STK39: variants seen among roughly 807,000 people sequenced by gnomAD.
STK39 encodes the protein STE20/SPS1-related proline-alanine-rich protein kinase.
Under a neutral mutation model 77.8 loss-of-function variants are expected in STK39, and 20 were observed. The observed-to-expected ratio is 0.26, with a 90% CI of 0.18 to 0.37. The LOEUF is 0.37. Among genes scored for constraint, STK39 ranks in the 10% least tolerant of loss-of-function variants. STK39 has a pLI of 1.00. For synonymous variants in STK39, 246 were observed against 234.1 expected (o/e 1.05, Z -0.47); for missense variants, 479 against 656.5 (o/e 0.73, Z 2.95).
rs909744422 is a variant in STK39 at position 168,012,608 on chromosome 2, A to G, written c.1498+26T>C. The G allele has an allele frequency of 5.0e-6, 8 of 1,599,380 alleles. No homozygotes were observed. The East Asian group carries it at 9.0e-5, about 18-fold the overall frequency. ...TTCCATTTTATATACCAACAAAATG[A>G]CAGTGCATACTAAAAAACAATTTAC... On this transcript the variant is annotated intron_variant, in intron 16 of 17. Coordinates refer to ENST00000355999, the MANE Select transcript of STK39 (RefSeq NM_013233.3).
At chr2:168,150,801 T>C (rs1028618554) in intron 5 of STK39, among the ~76,000 whole-genome samples, 5 of 152,088 alleles carry the variant, frequency 3.3e-5, no homozygotes, top group African/African-American at 1.2e-4. Context: ...ACTTTACTAT[T>C]AGTAATCAGT....
chr2:167,993,407 C>T (rs1306496239), intron 16 of STK39, among the ~76,000 whole-genome samples: 1 of 152,174 alleles, frequency 6.6e-6, no homozygotes, highest in East Asian at 1.9e-4. Flanking sequence ...ATGCAGTTGG[C>T]CAGGTGTGGT....
chr2:168,047,655 T>C (rs974002917), intron 14 of STK39, among the ~76,000 whole-genome samples: 5 of 152,214 alleles, frequency 3.3e-5, no homozygotes, highest in African/African-American at 1.2e-4. Flanking sequence ...AAGTAGCCAC[T>C]GCAGCATGCT....
At chr2:168,201,991 C>G (rs1689622323) in intron 1 of STK39, among the ~76,000 whole-genome samples, 1 of 152,198 alleles carries the variant, frequency 6.6e-6, no homozygotes, top group Non-Finnish European at 1.5e-5. Flanking sequence ...TGTCAGTGAG[C>G]CCAGAGAAAC....
intron 1 of STK39, among the ~76,000 whole-genome samples, chr2:168,201,288 G>C (rs1574550544): frequency 6.6e-6 from 1 of 152,210 alleles, no homozygotes; most frequent in Admixed American, 6.5e-5. Context: ...AACCATAGCT[G>C]GCAGTGAGAC....
At chr2:167,969,268 T>C (rs1043948562) in intron 16 of STK39, among the ~76,000 whole-genome samples, 1 of 152,216 alleles carries the variant, frequency 6.6e-6, no homozygotes, top group African/African-American at 2.4e-5. Context: ...TCTTACCTCC[T>C]CCGAGCCCTC....
At chr2:168,190,455 A>G (rs937280954) in intron 1 of STK39, among the ~76,000 whole-genome samples, 1 of 152,228 alleles carries the variant, frequency 6.6e-6, no homozygotes, top group African/African-American at 2.4e-5. Flanking sequence ...ATCCAGTTCA[A>G]TTCTAAAGTC....
At chr2:167,994,391 AAACATTT>A (rs1683778558) in intron 16 of STK39, among the ~76,000 whole-genome samples, 1 of 152,230 alleles carries the variant, frequency 6.6e-6, no homozygotes, top group Non-Finnish European at 1.5e-5. Context: ...GCTACAATGC[AAACATTT>A]AAATATTATT....
chr2:167,969,910 T>A (rs1692283067), intron 16 of STK39, among the ~76,000 whole-genome samples: 1 of 152,168 alleles, frequency 6.6e-6, no homozygotes, highest in African/African-American at 2.4e-5. Context: ...ACCAAACCCA[T>A]CTGATCAGGC....
chr2:168,052,261 C>G (rs116420100), intron 14 of STK39, among the ~76,000 whole-genome samples: 1 of 152,118 alleles, frequency 6.6e-6, no homozygotes, highest in African/African-American at 2.4e-5. Context: ...CTGGACTGAT[C>G]GTTTGGTCAT....
intron 14 of STK39, among the ~76,000 whole-genome samples, chr2:168,032,522 C>T (rs1375678579): frequency 6.6e-6 from 1 of 152,130 alleles, no homozygotes; most frequent in Non-Finnish European, 1.5e-5. Context: ...TTACCTAAAC[C>T]GTTGACTTCT....
intron 8 of STK39, among the ~76,000 whole-genome samples, chr2:168,136,100 A>G (rs11681470): frequency 0.048 from 7,259 of 151,980 alleles, 184 homozygotes; most frequent in Non-Finnish European, 0.06. Flanking sequence ...CGGGTGCGGT[A>G]GCTCATGCCT....
intron 16 of STK39, among the ~76,000 whole-genome samples, chr2:168,005,265 C>T (rs980198138): frequency 3.3e-5 from 5 of 152,062 alleles, no homozygotes; most frequent in Non-Finnish European, 7.4e-5. Flanking sequence ...CTCAGCCTCA[C>T]AGAGTGCTAG....
At chr2:168,233,566 C>A (rs777442901) in intron 1 of STK39, among the ~76,000 whole-genome samples, 1 of 152,166 alleles carries the variant, frequency 6.6e-6, no homozygotes, top group Non-Finnish European at 1.5e-5. Flanking sequence ...GCTTTGTGAT[C>A]TGTAACTTAG....
chr2:168,161,303 C>T (rs3769389), intron 5 of STK39, among the ~76,000 whole-genome samples: 14,452 of 152,166 alleles, frequency 0.095, 1,322 homozygotes, highest in East Asian at 0.31. Context: ...TCATTGCATC[C>T]CCAGCCTACC....
rs1461636370 is a variant in STK39, at chr2:168,039,509, G to A, written c.1377-22414C>T. Reference sequence around the variant, plus strand: ...CGGGAGGCTGAGGCAGGAGAATGGCGTGAACCCGGGAAGCGGAGCTTGCAG... The same window carrying A: ...CGGGAGGCTGAGGCAGGAGAATGGCATGAACCCGGGAAGCGGAGCTTGCAG... On this transcript the variant is annotated intron_variant, in intron 14 of 17. Transcript: ENST00000355999. Among the ~76,000 whole-genome samples, 2 of 38,630 alleles carry A rather than the reference G, an allele frequency of 5.2e-5. 1 individual carries two copies. The highest frequency in any genetic ancestry group is 6.2e-4 in the Admixed American group (2 of 3,208). 25.3% of individuals were successfully genotyped at this position (38,630 alleles called of 152,430 possible). A position where few individuals can be genotyped will look rare whatever the true frequency, so the allele number is the denominator to read the frequency against.
At chr2:168,244,169 A>G (rs1023076775) in intron 1 of STK39, among the ~76,000 whole-genome samples, 2 of 152,246 alleles carry the variant, frequency 1.3e-5, no homozygotes, top group African/African-American at 4.8e-5. Context: ...AGAGCATTAC[A>G]ATTTCTCCAC....
intron 10 of STK39, among the ~76,000 whole-genome samples, chr2:168,124,864 C>T (rs1157250131): frequency 6.6e-6 from 1 of 152,118 alleles, no homozygotes; most frequent in Middle Eastern, 3.4e-3. Context: ...TCTCAGCAAA[C>T]TAACACAGCA....
intron 3 of STK39, among the ~76,000 whole-genome samples, chr2:168,166,833 A>G (rs1182889458): frequency 6.6e-6 from 1 of 152,170 alleles, no homozygotes; most frequent in East Asian, 1.9e-4. Flanking sequence ...AATTCAGCAA[A>G]CTGCAATGTG....
Sources: allele counts gnomAD v4.1 joint callset (sites outside exome capture counted in the v4.1 genomes callset), GRCh38; gene constraint gnomAD v4.1.1; transcripts MANE v1.5; gene names NCBI Gene and HGNC (gene_info 2026-07-23, HGNC 2026-07-21).